Variants in PIK3AP1 observed in about 807,000 individuals in gnomAD.
The protein encoded by PIK3AP1 is phosphoinositide-3-kinase adaptor protein 1.
In PIK3AP1, 21 loss-of-function variants were observed where a neutral mutation model predicts 88.1. That is an observed-to-expected ratio of 0.24 (90% CI 0.17 to 0.34). The LOEUF (loss-of-function observed/expected upper bound fraction) is 0.34, where lower values mean the gene tolerates loss of function less well. Ranked by LOEUF, PIK3AP1 falls within the 10% of genes least tolerant of loss-of-function variation. The pLI is 1.00. For synonymous variants in PIK3AP1, 398 were observed against 400.0 expected (o/e 1.00, Z 0.06); for missense variants, 828 against 1,035.7 (o/e 0.80, Z 2.75).
chr10:96,704,523 G>C (rs1844338044), intron 2 of PIK3AP1, among the ~76,000 whole-genome samples: 1 of 152,108 alleles, frequency 6.6e-6, no homozygotes, highest in Non-Finnish European at 1.5e-5. Flanking sequence ...TTCAAGACCA[G>C]CCTGGCCAAC....
intron 2 of PIK3AP1, among the ~76,000 whole-genome samples, chr10:96,687,286 G>A (rs2993994): frequency 0.08 from 6,791 of 85,332 alleles, 222 homozygotes; most frequent in African/African-American, 0.17. Flanking sequence ...AAAAAAAAAA[G>A]AAAAAAGATC....
chr10:96,641,970 G>A (rs903178128), intron 8 of PIK3AP1, among the ~76,000 whole-genome samples: 1 of 152,180 alleles, frequency 6.6e-6, no homozygotes, highest in Non-Finnish European at 1.5e-5. Context: ...CAGAGCCACT[G>A]TTAGTAAAAT....
At chr10:96,679,582 A>G (rs1043650250) in intron 2 of PIK3AP1, among the ~76,000 whole-genome samples, 2 of 152,146 alleles carry the variant, frequency 1.3e-5, no homozygotes, top group Admixed American at 6.6e-5. Context: ...CTTTAGTCCA[A>G]CCTTGCAGAA....
chr10:96,663,578 C>T (rs1030198159), intron 2 of PIK3AP1, among the ~76,000 whole-genome samples: 5 of 127,480 alleles, frequency 3.9e-5, no homozygotes, highest in African/African-American at 1.5e-4. Context: ...TGCAGTGAGT[C>T]GAGATCGCAC....
At chr10:96,707,591 C>T (rs1160893583) in intron 2 of PIK3AP1, among the ~76,000 whole-genome samples, 2 of 152,164 alleles carry the variant, frequency 1.3e-5, no homozygotes, top group African/African-American at 4.8e-5. Context: ...CTGCGCCCAG[C>T]CACACTACTG....
At chr10:96,628,311 G>A in intron 9 of PIK3AP1, 87 bp downstream of exon 9, 1 of 1,175,304 alleles carries the variant, frequency 8.5e-7, no homozygotes, top group Admixed American at 1.7e-5. Context: ...TTCCTTGAGG[G>A]GAGCAACCCT....
intron 2 of PIK3AP1, among the ~76,000 whole-genome samples, chr10:96,668,071 ATTAAC>A (rs1375383950): frequency 1.8e-4 from 27 of 152,376 alleles, no homozygotes; most frequent in Admixed American, 7.8e-4. Flanking sequence ...TAAAGAAAAT[ATTAAC>A]TTAATAGCAC....
intron 1 of PIK3AP1, among the ~76,000 whole-genome samples, chr10:96,711,200 A>C (rs1199648342): frequency 6.6e-6 from 1 of 152,236 alleles, no homozygotes; most frequent in African/African-American, 2.4e-5. Flanking sequence ...TTATTGGCAG[A>C]GCCAGAACTG....
At chr10:96,609,430 G>T (rs1341399901) in intron 14 of PIK3AP1, among the ~76,000 whole-genome samples, 1 of 152,162 alleles carries the variant, frequency 6.6e-6, no homozygotes, top group Non-Finnish European at 1.5e-5. Flanking sequence ...CTATAAAGAG[G>T]CTTAGAATAT....
intron 16 of PIK3AP1, among the ~76,000 whole-genome samples, chr10:96,598,541 G>A (rs1848824129): frequency 6.6e-6 from 1 of 152,058 alleles, no homozygotes; most frequent in Admixed American, 6.6e-5. Flanking sequence ...ACTCTGCCAG[G>A]CACTAGGGAT....
At chr10:96,687,684 G>A (rs1386205634) in intron 2 of PIK3AP1, among the ~76,000 whole-genome samples, 1 of 152,046 alleles carries the variant, frequency 6.6e-6, no homozygotes, top group African/African-American at 2.4e-5. Flanking sequence ...CTAATCCCAA[G>A]GCCACCATCC....
chr10:96,666,629 T>C (rs1191393022), intron 2 of PIK3AP1, among the ~76,000 whole-genome samples: 1 of 152,126 alleles, frequency 6.6e-6, no homozygotes, highest in Non-Finnish European at 1.5e-5. Context: ...GAGTAGCTAA[T>C]GCTAGGTAAG....
chr10:96,714,737 A>C (rs1844480604), intron 1 of PIK3AP1, among the ~76,000 whole-genome samples: 1 of 152,264 alleles, frequency 6.6e-6, no homozygotes, highest in Non-Finnish European at 1.5e-5. Context: ...GAGTCAACTC[A>C]AAGCGCCCAG....
chr10:96,640,228 C>G (rs1284611449), intron 8 of PIK3AP1, among the ~76,000 whole-genome samples: 1 of 152,182 alleles, frequency 6.6e-6, no homozygotes. Context: ...CAGTTTCTAA[C>G]GGCAAGATGA....
chr10:96,648,955 A>C, intron 6 of PIK3AP1, 100 bp from the exon 7 acceptor site: 4 of 1,052,960 alleles, frequency 3.8e-6, no homozygotes, highest in Non-Finnish European at 5.3e-6. Flanking sequence ...ATGGCAACAG[A>C]AAGCACTCAG....
intron 15 of PIK3AP1, 74 bp from the exon 16 acceptor site, chr10:96,602,472 A>C: frequency 1.4e-4 from 178 of 1,315,958 alleles, no homozygotes; most frequent in Non-Finnish European, 1.8e-4. Context: ...ACCGTAACTC[A>C]AAAGCCCCTT....
intron 2 of PIK3AP1, among the ~76,000 whole-genome samples, chr10:96,687,421 G>A (rs1334531846): frequency 2.0e-5 from 3 of 151,998 alleles, no homozygotes; most frequent in Non-Finnish European, 2.9e-5. Flanking sequence ...GGCCCACCCC[G>A]TGAGTGCCAA....
intron 14 of PIK3AP1, among the ~76,000 whole-genome samples, chr10:96,608,813 G>A (rs1302067993): frequency 6.6e-6 from 1 of 152,238 alleles, no homozygotes; most frequent in Non-Finnish European, 1.5e-5. Flanking sequence ...CATGCGTTAT[G>A]GGGTTCTCTG....
intron 8 of PIK3AP1, among the ~76,000 whole-genome samples, 153 bp downstream of exon 8, chr10:96,645,320 T>C (rs760627814): frequency 3.9e-5 from 6 of 152,146 alleles, no homozygotes; most frequent in Non-Finnish European, 5.9e-5. Context: ...TCACAGCACA[T>C]GACTCCAGCC....
Sources: gnomAD v4.1 joint callset for allele counts (sites outside exome capture counted in the v4.1 genomes callset) on GRCh38, gnomAD v4.1.1 for gene constraint, MANE v1.5 for transcripts, NCBI Gene and HGNC (gene_info 2026-07-23, HGNC 2026-07-21) for gene names.